The following ZNF516 variants were observed in gnomAD, a reference collection of about 807,000 sequenced individuals.
The protein encoded by ZNF516 is zinc finger protein 516.
ZNF516 carries 19 observed loss-of-function variants against 79.7 expected under a neutral mutation model. That is an observed-to-expected ratio of 0.24 (90% CI 0.17 to 0.35). ZNF516 has a LOEUF of 0.35. Ranked by LOEUF, ZNF516 falls within the 10% of genes least tolerant of loss-of-function variation. The probability of loss-of-function intolerance (pLI) is 1.00; values close to 1 mark genes in which losing one functional copy is unlikely to be tolerated. For synonymous variants in ZNF516, 877 were observed against 739.5 expected (o/e 1.19, Z -3.02); for missense variants, 1,678 against 1,679.5 (o/e 1.00, Z 0.02).
At position 76,359,824 on chromosome 18, in the gene ZNF516, A is replaced by G. The variant is rs976636858; in HGVS notation, c.*2674T>C. 4 of 147,192 alleles carry G rather than the reference A, an allele frequency of 2.7e-5. No homozygotes were observed. The highest frequency in any genetic ancestry group is 1.1e-4 in the African/African-American group (4 of 36,546). 9.1% of individuals were successfully genotyped at this position (147,192 alleles called of 1,614,324 possible). On this transcript the variant is annotated 3_prime_UTR_variant, in exon 7 of 7. Coordinates refer to ENST00000443185, the MANE Select transcript of ZNF516 (RefSeq NM_014643.4). ...AGAAGTGTATCATGCAGAAATTACCATTCGGAAAAAAAAAGGCAATCAAAA... is the reference window on the plus strand; with the variant it reads ...AGAAGTGTATCATGCAGAAATTACCGTTCGGAAAAAAAAAGGCAATCAAAA...
At chr18:76,444,206 G>A (rs114054746) in intron 2 of ZNF516, among the ~76,000 whole-genome samples, 56 of 152,316 alleles carry the variant, frequency 3.7e-4, no homozygotes, top group African/African-American at 1.3e-3. Flanking sequence ...GAGAGATGTC[G>A]AGTCTCTCAG....
At chr18:76,455,763 C>G (rs1346497961) in intron 2 of ZNF516, among the ~76,000 whole-genome samples, 2 of 152,212 alleles carry the variant, frequency 1.3e-5, no homozygotes, top group South Asian at 2.1e-4. Flanking sequence ...AAAGAGTCTG[C>G]ACTTACACAC....
At chr18:76,380,496 G>A (rs917082849) in intron 3 of ZNF516, among the ~76,000 whole-genome samples, 193 bp from the exon 4 acceptor site, 23 of 152,170 alleles carry the variant, frequency 1.5e-4, no homozygotes, top group African/African-American at 5.5e-4. Flanking sequence ...GAGTCAGGCA[G>A]GACTTCTTTT....
chr18:76,494,979 C>T (rs1233481586), intron 1 of ZNF516, among the ~76,000 whole-genome samples, 165 bp downstream of exon 1: 3 of 150,830 alleles, frequency 2.0e-5, no homozygotes, highest in Non-Finnish European at 4.4e-5. Flanking sequence ...TAGCCCTCCC[C>T]GCGCCCGGGG....
intron 6 of ZNF516, among the ~76,000 whole-genome samples, chr18:76,368,481 T>C (rs139947283): frequency 1.3e-4 from 20 of 151,950 alleles, no homozygotes; most frequent in African/African-American, 4.6e-4. Context: ...TCAGTTTTAA[T>C]GCCAGGCCTG....
In ZNF516 at chr18:76,407,515, G is replaced by A. The variant is rs113739760; in HGVS notation, c.1811-27212C>T. 2.6e-3 allele frequency among the ~76,000 whole-genome samples: 391 copies of A among 152,248 alleles called. 7 individuals are homozygous for A. The East Asian group carries it at 0.045, about 18-fold the overall frequency. Reference sequence around the variant, plus strand: ...CTCGGGCGGCAGCATCCATAATTACGAGGAGACGGGGCCATGTGATTGGAA... The same window carrying A: ...CTCGGGCGGCAGCATCCATAATTACAAGGAGACGGGGCCATGTGATTGGAA... On this transcript the variant is annotated intron_variant, in intron 3 of 6. Transcript: ENST00000443185.
intron 1 of ZNF516, among the ~76,000 whole-genome samples, chr18:76,494,927 T>C (rs1915419413): frequency 7.7e-6 from 1 of 129,906 alleles, no homozygotes; most frequent in Non-Finnish European, 1.6e-5. Context: ...TCCCCTATCC[T>C]GGAATTGACG....
chr18:76,469,409 TAAAAG>T (rs1913693290), intron 1 of ZNF516, among the ~76,000 whole-genome samples: 1 of 152,206 alleles, frequency 6.6e-6, no homozygotes, highest in Non-Finnish European at 1.5e-5. Flanking sequence ...AATGGACAGT[TAAAAG>T]AAGGCACTCA....
chr18:76,457,955 T>G (rs541679865), intron 2 of ZNF516, among the ~76,000 whole-genome samples: 4 of 152,312 alleles, frequency 2.6e-5, no homozygotes, highest in African/African-American at 9.6e-5. Context: ...GAGATAAGCT[T>G]CTTCTCACCT....
In ZNF516 at chr18:76,486,403, C is replaced by T. The variant is rs1003113302; in HGVS notation, c.-272+8741G>A. 3.3e-5 allele frequency among the ~76,000 whole-genome samples: 5 copies of T among 152,186 alleles called. No individual in the cohort carries two copies. The East Asian group carries it at 7.7e-4, about 23-fold the overall frequency. ...AAAATTCCTAAACAAATGTCCTTTA[C>T]TTTCACATGGGAAGAGTGGGGGATT... On this transcript the variant is annotated intron_variant, in intron 1 of 6. Transcript: ENST00000443185.
Position 76,493,324 on chromosome 18 carries a change from G to A in ZNF516, c.-272+1820C>T, listed in dbSNP as rs1915341879. 1.0e-5 allele frequency: 1 copy of A among 99,098 alleles called. No individual in the cohort carries two copies. The allele number at this position is 99,098 out of a possible 1,614,324, so 6.1% of individuals were successfully genotyped here. A position where few individuals can be genotyped will look rare whatever the true frequency, so the allele number is the denominator to read the frequency against. On this transcript the variant is annotated intron_variant, in intron 1 of 6. Transcript: ENST00000443185. The surrounding 1 kb of genome is among the most constrained non-coding windows in gnomAD (Gnocchi z 5.2). ...GAGAAAGAAGGAGGGGTCATTCCGCGGGGGGCGGGGGGGGGGGCGGGGGCC... is the reference window on the plus strand; with the variant it reads ...GAGAAAGAAGGAGGGGTCATTCCGCAGGGGGCGGGGGGGGGGGCGGGGGCC...
intron 6 of ZNF516, among the ~76,000 whole-genome samples, chr18:76,369,703 AC>A (rs1185072775): frequency 6.6e-6 from 1 of 152,174 alleles, no homozygotes; most frequent in Non-Finnish European, 1.5e-5. Context: ...ACTGAATTCC[AC>A]CACCCAGACA....
At position 76,370,546 on chromosome 18, in the gene ZNF516, G is replaced by A. The variant is rs757918897; in HGVS notation, c.3414C>T (p.Ser1138=). 5.8e-5 allele frequency: 93 copies of A among 1,608,134 alleles called. No homozygotes were observed. Among genetic ancestry groups the A allele is most frequent in the Middle Eastern group, 1.6e-4 (1 of 6,072 alleles). The change falls in exon 6 of 7, where the codon TCC becomes TCT. Residue 1138 remains serine, a synonymous_variant. Transcript: ENST00000443185. ...GACCTACTTGTTTGGGGGCGTCTGCGGAGGTGGTATGAACTTCAGAACCCC... is the reference window on the plus strand; with the variant it reads ...GACCTACTTGTTTGGGGGCGTCTGCAGAGGTGGTATGAACTTCAGAACCCC... ...GPRGSEVHTT[S]ADAPKQGRDH...
intron 3 of ZNF516, among the ~76,000 whole-genome samples, chr18:76,437,042 G>A: frequency 6.9e-6 from 1 of 143,892 alleles, no homozygotes; most frequent in African/African-American, 2.7e-5. Context: ...ACTCCAGCCT[G>A]GGTGACAGAG....
chr18:76,430,931 C>T (rs987181342), intron 3 of ZNF516, among the ~76,000 whole-genome samples: 2 of 152,156 alleles, frequency 1.3e-5, no homozygotes, highest in African/African-American at 4.8e-5. Flanking sequence ...AAATGGATAT[C>T]GCTATGTGAA....
At chr18:76,408,040 A>G (rs1436134691) in intron 3 of ZNF516, among the ~76,000 whole-genome samples, 2 of 152,200 alleles carry the variant, frequency 1.3e-5, no homozygotes, top group African/African-American at 4.8e-5. Flanking sequence ...CTAGACATGC[A>G]CCATTTTAAA....
chr18:76,370,384 G>A, intron 6 of ZNF516, 144 bp downstream of exon 6: 1 of 813,896 alleles, frequency 1.2e-6, no homozygotes. Flanking sequence ...CGAAGGGTCA[G>A]GTTCCAAGTC....
rs1295258956 is a variant in ZNF516 at position 76,379,322 on chromosome 18, G to A, written c.2792C>T (p.Pro931Leu). ...GGGGFSRSAT[P>L]TPTVIARAGA... The stretch of plus-strand genomic sequence containing the variant: ...AGCCCGGGCGATGACGGTGGGCGTA[G>A]GGGTGGCGCTCCTGCTGAAGCCCCC... Residue 931 changes from proline (P) to leucine (L), a missense_variant, in exon 4 of 7, where the codon CCT becomes CTT. Transcript: ENST00000443185. The A allele has an allele frequency of 6.3e-7, 1 of 1,599,354 alleles. No homozygotes were observed. Among genetic ancestry groups the A allele is most frequent in the African/African-American group, 1.3e-5 (1 of 74,394 alleles).
intron 3 of ZNF516, among the ~76,000 whole-genome samples, chr18:76,408,350 C>T (rs1189590892): frequency 1.3e-5 from 2 of 152,154 alleles, no homozygotes; most frequent in Admixed American, 6.5e-5. Flanking sequence ...CAGCAAGCTC[C>T]GAGGGGCTGC....
Sources: allele counts gnomAD v4.1 joint callset (sites outside exome capture counted in the v4.1 genomes callset), GRCh38; gene constraint gnomAD v4.1.1; non-coding constraint Gnocchi (gnomAD v3.1); transcripts MANE v1.5; gene names NCBI Gene and HGNC (gene_info 2026-07-23, HGNC 2026-07-21).